The following RALGPS2 variants were observed in gnomAD, a reference collection of about 807,000 sequenced individuals.
The protein encoded by RALGPS2 is ras-specific guanine nucleotide-releasing factor RalGPS2.
In RALGPS2, 43 loss-of-function variants were observed where a neutral mutation model predicts 86.8. The ratio of observed to expected loss-of-function variants is 0.50; its 90% CI spans 0.39 to 0.64. The LOEUF is 0.64. Among genes scored for constraint, RALGPS2 ranks in the 30% least tolerant of loss-of-function variants. The pLI is 0.00. For missense variants in RALGPS2, 536 were observed against 694.6 expected, an observed-to-expected ratio of 0.77 and a Z score of 2.57; for synonymous variants, 243 against 231.3, an observed-to-expected ratio of 1.05 and a Z score of -0.46.
At position 178,911,954 on chromosome 1, in the gene RALGPS2, A is replaced by G. The variant is rs539807460; in HGVS notation, c.1723-4376A>G. 1.3e-3 allele frequency among the ~76,000 whole-genome samples: 191 copies of G among 152,338 alleles called. 2 individuals are homozygous for G. The highest frequency in any genetic ancestry group is 4.2e-3 in the African/African-American group (175 of 41,572). On this transcript the variant is annotated intron_variant, in intron 19 of 19. Coordinates refer to ENST00000367635, the MANE Select transcript of RALGPS2 (RefSeq NM_152663.5). The stretch of plus-strand genomic sequence containing the variant: ...TGGATGAATTGAACCCTTTATCATT[A>G]TGTAATGCCCTTCTTTGTCCTTTTT...
intron 15 of RALGPS2, among the ~76,000 whole-genome samples, chr1:178,892,867 TG>T (rs1189115423): frequency 6.6e-6 from 1 of 152,076 alleles, no homozygotes; most frequent in Non-Finnish European, 1.5e-5. Context: ...ATTGGGAACG[TG>T]GGGTTTAGTG....
intron 2 of RALGPS2, among the ~76,000 whole-genome samples, chr1:178,781,682 TA>T (rs1266166091): frequency 6.6e-6 from 1 of 152,208 alleles, no homozygotes; most frequent in Non-Finnish European, 1.5e-5. Flanking sequence ...TTGGATGAGT[TA>T]AAAACTTGGA....
intron 1 of RALGPS2, among the ~76,000 whole-genome samples, chr1:178,776,337 G>A (rs1050813483): frequency 2.6e-5 from 4 of 152,140 alleles, no homozygotes; most frequent in African/African-American, 9.7e-5. Flanking sequence ...TTGTGTTGTG[G>A]TATGTGTTAC....
intron 1 of RALGPS2, among the ~76,000 whole-genome samples, chr1:178,743,149 C>T (rs1651126040): frequency 6.6e-6 from 1 of 152,122 alleles, no homozygotes; most frequent in Non-Finnish European, 1.5e-5. Flanking sequence ...AAATTTGAGG[C>T]CAGTGAGCTA....
At chr1:178,866,006 A>G (rs1449685148) in intron 8 of RALGPS2, among the ~76,000 whole-genome samples, 4 of 152,304 alleles carry the variant, frequency 2.6e-5, no homozygotes, top group Admixed American at 2.6e-4. Context: ...ATTAGGTTTC[A>G]GAGAATAACT....
At chr1:178,839,513 C>T in intron 8 of RALGPS2, among the ~76,000 whole-genome samples, 1 of 151,982 alleles carries the variant, frequency 6.6e-6, no homozygotes, top group African/African-American at 2.4e-5. Context: ...CTGAAGGAAG[C>T]ACTAAACATG....
chr1:178,758,290 G>A (rs1490217288), intron 1 of RALGPS2, among the ~76,000 whole-genome samples: 1 of 151,978 alleles, frequency 6.6e-6, no homozygotes, highest in Non-Finnish European at 1.5e-5. Flanking sequence ...GTAGGTGTAT[G>A]TATTTAGGTG....
chr1:178,874,413 A>C (rs1023783767), intron 8 of RALGPS2, among the ~76,000 whole-genome samples: 4 of 152,174 alleles, frequency 2.6e-5, no homozygotes, highest in African/African-American at 9.7e-5. Flanking sequence ...ACATGTGGCA[A>C]GTGGTTATAT....
chr1:178,916,726 T>C lies in RALGPS2; in HGVS notation c.*367T>C. 1 of 200,842 alleles carries C rather than the reference T, an allele frequency of 5.0e-6. No homozygotes were observed. Among genetic ancestry groups the C allele is most frequent in the East Asian group, 1.1e-4 (1 of 8,710 alleles). The allele number at this position is 200,842 out of a possible 1,614,324, so 12.4% of individuals were successfully genotyped here. A position where few individuals can be genotyped will look rare whatever the true frequency, so the allele number is the denominator to read the frequency against. ...CTAATTTGCATTTCTTTTAACTTTGTAATAATTTTAGAGGGGGGAATTGCC... is the reference window on the plus strand; with the variant it reads ...CTAATTTGCATTTCTTTTAACTTTGCAATAATTTTAGAGGGGGGAATTGCC... On this transcript the variant is annotated 3_prime_UTR_variant, in exon 20 of 20. Coordinates refer to ENST00000367635, the MANE Select transcript of RALGPS2 (RefSeq NM_152663.5).
At chr1:178,839,179 T>A (rs1259792145) in intron 8 of RALGPS2, among the ~76,000 whole-genome samples, 2 of 152,066 alleles carry the variant, frequency 1.3e-5, no homozygotes, top group Admixed American at 1.3e-4. Flanking sequence ...AAGATACTCC[T>A]CGAGAAGAGC....
intron 1 of RALGPS2, among the ~76,000 whole-genome samples, chr1:178,732,645 T>C (rs1650466446): frequency 6.6e-6 from 1 of 152,174 alleles, no homozygotes; most frequent in Non-Finnish European, 1.5e-5. Flanking sequence ...CATCATTAAT[T>C]ATAATGCCTT....
At chr1:178,750,534 G>A (rs1651592269) in intron 1 of RALGPS2, among the ~76,000 whole-genome samples, 1 of 152,204 alleles carries the variant, frequency 6.6e-6, no homozygotes, top group Non-Finnish European at 1.5e-5. Context: ...ATGATGGTAT[G>A]TAATAAGTGA....
chr1:178,855,565 C>T (rs1657478037), intron 8 of RALGPS2, among the ~76,000 whole-genome samples: 1 of 151,838 alleles, frequency 6.6e-6, no homozygotes, highest in Admixed American at 6.6e-5. Flanking sequence ...TTTATGGTGT[C>T]TTTCCTGCGT....
chr1:178,880,046 A>G lies in RALGPS2; in HGVS notation c.836+1054A>G, dbSNP rs145918854. 3.6e-4 allele frequency among the ~76,000 whole-genome samples: 55 copies of G among 152,064 alleles called. No homozygotes were observed. In the East Asian group the frequency reaches 6.8e-3, roughly 19 times the overall value. ...ATTTGTTACTTTTTTTAAAAAGTTT[A>G]TTTAGCTTTATTATCCCATTTGTTC... is the stretch of plus-strand genomic sequence containing the variant. On this transcript the variant is annotated intron_variant, in intron 10 of 19. Transcript: ENST00000367635.
chr1:178,742,355 G>A (rs756153617), intron 1 of RALGPS2, among the ~76,000 whole-genome samples: 18 of 152,060 alleles, frequency 1.2e-4, no homozygotes, highest in Non-Finnish European at 2.2e-4. Flanking sequence ...GTATTTCCAG[G>A]GATAAAGGAT....
At chr1:178,761,499 C>T (rs1417315521) in intron 1 of RALGPS2, among the ~76,000 whole-genome samples, 4 of 151,930 alleles carry the variant, frequency 2.6e-5, no homozygotes, top group East Asian at 1.9e-4. Context: ...CGTCTCTAAG[C>T]TCTGAAATTC....
chr1:178,899,117 A>G (rs183121465), intron 17 of RALGPS2, among the ~76,000 whole-genome samples: 250 of 152,122 alleles, frequency 1.6e-3, no homozygotes, highest in African/African-American at 5.5e-3. Context: ...CTTAGTTTCA[A>G]TTAGAAAAAG....
intron 1 of RALGPS2, among the ~76,000 whole-genome samples, chr1:178,726,780 A>G (rs1408394539): frequency 6.6e-6 from 1 of 152,182 alleles, no homozygotes; most frequent in African/African-American, 2.4e-5. Flanking sequence ...GAAGATGACC[A>G]TCAGAATTTT....
At chr1:178,884,739 T>C (rs1659402455) in intron 11 of RALGPS2, among the ~76,000 whole-genome samples, 1 of 152,142 alleles carries the variant, frequency 6.6e-6, no homozygotes, top group Non-Finnish European at 1.5e-5. Flanking sequence ...TGTATAAAAT[T>C]AAAAGAGCAC....
Sources: allele counts gnomAD v4.1 joint callset (sites outside exome capture counted in the v4.1 genomes callset), GRCh38; gene constraint gnomAD v4.1.1; transcripts MANE v1.5; gene names NCBI Gene and HGNC (gene_info 2026-07-23, HGNC 2026-07-21).